Variants in SUCLG2 observed in about 807,000 individuals in gnomAD.
SUCLG2 encodes the protein succinate-CoA ligase GDP-forming subunit beta.
Under a neutral mutation model 47.9 loss-of-function variants are expected in SUCLG2, and 42 were observed. That is an observed-to-expected ratio of 0.88 (90% confidence interval 0.69 to 1.14). SUCLG2 has a LOEUF of 1.14. Among genes scored for constraint, SUCLG2 ranks in the 50% most tolerant of loss-of-function variants. The probability of loss-of-function intolerance (pLI) is 0.00; values close to 1 mark genes in which losing one functional copy is unlikely to be tolerated. For missense variants in SUCLG2, 571 were observed against 525.9 expected (o/e 1.09, Z -0.84); for synonymous variants, 195 against 197.3 (o/e 0.99, Z 0.10).
intron 1 of SUCLG2, among the ~76,000 whole-genome samples, chr3:67,641,172 G>A (rs1701094332): frequency 6.6e-6 from 1 of 152,092 alleles, no homozygotes; most frequent in Non-Finnish European, 1.5e-5. Context: ...CCCTTTCCTT[G>A]GGATATTCTT....
In SUCLG2 at chr3:67,577,457, A is replaced by T. The variant is rs939013923; in HGVS notation, c.226+31998T>A. Among the ~76,000 whole-genome samples, 28 of 152,370 alleles carry T rather than the reference A, an allele frequency of 1.8e-4. 1 individual carries two copies. The East Asian group carries it at 3.5e-3, about 19-fold the overall frequency. ...AGAATCATGAGCTAGAGAGAAAAAA[A>T]ACGAATTGCACTAAGTAAAAGAAGA... On this transcript the variant is annotated intron_variant, in intron 2 of 10. Coordinates refer to ENST00000307227, the MANE Select transcript of SUCLG2 (RefSeq NM_003848.4).
At chr3:67,460,638 G>C (rs962436981) in intron 9 of SUCLG2, among the ~76,000 whole-genome samples, 1 of 151,952 alleles carries the variant, frequency 6.6e-6, no homozygotes, top group African/African-American at 2.4e-5. Flanking sequence ...CCAAATTATC[G>C]GAGTGCTTTA....
At chr3:67,404,945 C>T (rs1702767896) in intron 9 of SUCLG2, among the ~76,000 whole-genome samples, 1 of 151,348 alleles carries the variant, frequency 6.6e-6, no homozygotes, top group Admixed American at 6.6e-5. Context: ...TAATTATCTT[C>T]CCCCAGCCCC....
intron 9 of SUCLG2, among the ~76,000 whole-genome samples, chr3:67,463,149 A>T (rs1476237867): frequency 6.6e-6 from 1 of 152,206 alleles, no homozygotes; most frequent in African/African-American, 2.4e-5. Flanking sequence ...TAGGGGATGA[A>T]GTAATTACAG....
At chr3:67,608,739 G>GTGAT (rs1559594176) in intron 2 of SUCLG2, among the ~76,000 whole-genome samples, 1 of 151,380 alleles carries the variant, frequency 6.6e-6, no homozygotes, top group African/African-American at 2.4e-5. Context: ...GTATGTTAGA[G>GTGAT]TGATCATAGC....
chr3:67,424,316 C>T (rs1703245653), intron 9 of SUCLG2, among the ~76,000 whole-genome samples: 1 of 152,164 alleles, frequency 6.6e-6, no homozygotes, highest in South Asian at 2.1e-4. Flanking sequence ...CTCTCACAAA[C>T]CGGATTATCT....
chr3:67,605,911 T>A (rs528872108), intron 2 of SUCLG2, among the ~76,000 whole-genome samples: 95 of 152,062 alleles, frequency 6.2e-4, no homozygotes, highest in African/African-American at 2.3e-3. Flanking sequence ...AGAGCAGAAA[T>A]TCTATTAAAA....
chr3:67,470,352 C>T (rs891394100), intron 9 of SUCLG2, among the ~76,000 whole-genome samples: 1 of 152,176 alleles, frequency 6.6e-6, no homozygotes, highest in Non-Finnish European at 1.5e-5. Flanking sequence ...CTCTCGTATA[C>T]TTCAGACTGC....
chr3:67,366,737 TGTTA>T (rs1388230839), intron 10 of SUCLG2, among the ~76,000 whole-genome samples: 1 of 152,156 alleles, frequency 6.6e-6, no homozygotes, highest in Admixed American at 6.5e-5. Context: ...TCCAGCACTC[TGTTA>T]GAGTTTGGGA....
chr3:67,431,688 T>C (rs919370402), intron 9 of SUCLG2, among the ~76,000 whole-genome samples: 2 of 142,778 alleles, frequency 1.4e-5, no homozygotes, highest in Admixed American at 1.5e-4. Flanking sequence ...AACTGAACAA[T>C]CAGAACACTT....
chr3:67,645,104 C>A (rs1221412652), intron 1 of SUCLG2, among the ~76,000 whole-genome samples: 1 of 152,096 alleles, frequency 6.6e-6, no homozygotes, highest in Non-Finnish European at 1.5e-5. Context: ...AAATGAAATA[C>A]CACTACTAAA....
chr3:67,389,818 G>C (rs1702340849), intron 10 of SUCLG2, among the ~76,000 whole-genome samples: 1 of 152,058 alleles, frequency 6.6e-6, no homozygotes, highest in Non-Finnish European at 1.5e-5. Context: ...TATTTGACCT[G>C]ACATTACACT....
chr3:67,506,192 C>A (rs1458258668), intron 7 of SUCLG2, among the ~76,000 whole-genome samples: 1 of 152,108 alleles, frequency 6.6e-6, no homozygotes, highest in East Asian at 1.9e-4. Flanking sequence ...ATATAAATGA[C>A]TGCTTTTACA....
intron 6 of SUCLG2, among the ~76,000 whole-genome samples, chr3:67,509,218 A>G (rs1015434764): frequency 1.3e-5 from 2 of 152,244 alleles, no homozygotes; most frequent in Non-Finnish European, 2.9e-5. Context: ...TATAAATTAC[A>G]ATCATTAATA....
intron 2 of SUCLG2, among the ~76,000 whole-genome samples, chr3:67,596,669 C>G (rs576119464): frequency 3.3e-4 from 50 of 152,276 alleles, no homozygotes; most frequent in South Asian, 1.2e-3. Flanking sequence ...TGTGCCCAAC[C>G]AACCTCAGTA....
At chr3:67,398,068 T>C (rs1697887830) in intron 10 of SUCLG2, among the ~76,000 whole-genome samples, 1 of 150,252 alleles carries the variant, frequency 6.7e-6, no homozygotes, top group African/African-American at 2.4e-5. Context: ...ATAAAAACCC[T>C]AGAAGAAAAC....
intron 2 of SUCLG2, among the ~76,000 whole-genome samples, chr3:67,605,468 A>G (rs905331122): frequency 2.0e-5 from 3 of 152,210 alleles, no homozygotes; most frequent in Admixed American, 6.5e-5. Context: ...AAACTATTCA[A>G]CAACAGAAAT....
chr3:67,582,871 C>A lies in SUCLG2; in HGVS notation c.226+26584G>T, dbSNP rs536689098. ...GTGGAATGACATTCCCCTCCCCCAC[C>A]AAAAAAAACACCTTTTATTACATCA... is the stretch of plus-strand genomic sequence containing the variant. On this transcript the variant is annotated intron_variant, in intron 2 of 10. Coordinates refer to ENST00000307227, the MANE Select transcript of SUCLG2 (RefSeq NM_003848.4). Among the ~76,000 whole-genome samples the A allele has an allele frequency of 8.8e-3, 1,340 of 151,480 alleles. 20 individuals carry two copies. Among genetic ancestry groups the A allele is most frequent in the Admixed American group, 0.023 (345 of 15,204 alleles).
At chr3:67,586,501 T>C (rs796193575) in intron 2 of SUCLG2, among the ~76,000 whole-genome samples, 2 of 152,324 alleles carry the variant, frequency 1.3e-5, no homozygotes, top group African/African-American at 4.8e-5. Flanking sequence ...ATGTGCCAAT[T>C]TCAGTCCTTA....
Sources: gnomAD v4.1 joint callset for allele counts (sites outside exome capture counted in the v4.1 genomes callset) on GRCh38, gnomAD v4.1.1 for gene constraint, MANE v1.5 for transcripts, NCBI Gene and HGNC (gene_info 2026-07-23, HGNC 2026-07-21) for gene names.